Variants in CYRIA observed in about 807,000 individuals in gnomAD.
CYRIA encodes CYFIP related Rac1 interactor A, also known as CYFIP-related Rac1 interactor A.
CYRIA carries 15 observed loss-of-function variants against 43.9 expected under a neutral mutation model. The observed-to-expected ratio is 0.34, with a 90% confidence interval of 0.23 to 0.53. The LOEUF (loss-of-function observed/expected upper bound fraction) is 0.53, where lower values mean the gene tolerates loss of function less well. Ranked by LOEUF, CYRIA falls within the 20% of genes least tolerant of loss-of-function variation. CYRIA has a pLI of 0.94. For missense variants in CYRIA, 236 were observed against 394.2 expected (o/e 0.60, Z 3.40); for synonymous variants, 117 against 136.0 (o/e 0.86, Z 0.97).
chr2:16,602,739 G>A (rs1668254814), intron 2 of CYRIA, among the ~76,000 whole-genome samples: 1 of 152,124 alleles, frequency 6.6e-6, no homozygotes, highest in Non-Finnish European at 1.5e-5. Flanking sequence ...TCAAAGAAGG[G>A]ACTAGAAGAG....
chr2:16,556,900 C>T (rs1270399010), intron 10 of CYRIA, among the ~76,000 whole-genome samples: 1 of 151,994 alleles, frequency 6.6e-6, no homozygotes, highest in East Asian at 1.9e-4. Context: ...CTGGCTTAGA[C>T]ACTGGTTGGA....
intron 1 of CYRIA, among the ~76,000 whole-genome samples, chr2:16,634,235 C>T (rs1224915827): frequency 1.3e-5 from 2 of 152,222 alleles, no homozygotes; most frequent in African/African-American, 2.4e-5. Flanking sequence ...ATCACTATTT[C>T]TCCTTTTGCA....
intron 1 of CYRIA, among the ~76,000 whole-genome samples, chr2:16,635,085 G>T (rs1669454060): frequency 6.6e-6 from 1 of 152,184 alleles, no homozygotes; most frequent in Non-Finnish European, 1.5e-5. Context: ...AGGACATAAA[G>T]AGCACTTTGG....
intron 3 of CYRIA, among the ~76,000 whole-genome samples, chr2:16,572,071 C>T (rs937300530): frequency 6.6e-6 from 1 of 152,138 alleles, no homozygotes; most frequent in African/African-American, 2.4e-5. Context: ...GTCAAAGTTC[C>T]TGCAGGCTGT....
intron 1 of CYRIA, among the ~76,000 whole-genome samples, chr2:16,648,260 T>C (rs985706341): frequency 9.2e-5 from 14 of 151,770 alleles, no homozygotes; most frequent in Admixed American, 7.9e-4. Flanking sequence ...CTTGGTTCGG[T>C]TGTTTGTAAA....
rs71400699 is a variant in CYRIA, at chr2:16,568,227, GAAAAAAAAAAA to G, written c.71-2471_71-2461del. Among the ~76,000 whole-genome samples the G allele has an allele frequency of 2.3e-4, 20 of 88,728 alleles. No individual in the cohort carries two copies. The East Asian group carries it at 7.1e-3, about 32-fold the overall frequency. 58.2% of individuals were successfully genotyped at this position (88,728 alleles called of 152,430 possible). On this transcript the variant is annotated intron_variant, in intron 3 of 11. Coordinates refer to ENST00000381323, the MANE Select transcript of CYRIA (RefSeq NM_030797.4). The stretch of plus-strand genomic sequence containing the variant: ...GTATAATGCAACTATTTCAAAATCA[GAAAAAAAAAAA>G]AAAAAAAAAAACCCAAATCTGAAAC...
intron 1 of CYRIA, among the ~76,000 whole-genome samples, chr2:16,635,771 G>A (rs1044754976): frequency 6.6e-6 from 1 of 152,138 alleles, no homozygotes; most frequent in Non-Finnish European, 1.5e-5. Context: ...TTTCTAATAG[G>A]AGTTGAAGCG....
chr2:16,615,020 T>C (rs1668731993), intron 2 of CYRIA, among the ~76,000 whole-genome samples: 1 of 152,226 alleles, frequency 6.6e-6, no homozygotes, highest in Non-Finnish European at 1.5e-5. Context: ...TTCTTGTCCA[T>C]AAAGGAGCTC....
At chr2:16,644,025 C>A (rs956239805) in intron 1 of CYRIA, among the ~76,000 whole-genome samples, 7 of 152,336 alleles carry the variant, frequency 4.6e-5, no homozygotes, top group African/African-American at 1.7e-4. Flanking sequence ...CTCTCTGTGC[C>A]AACATCTCAG....
intron 3 of CYRIA, among the ~76,000 whole-genome samples, chr2:16,585,539 C>A (rs1667698946): frequency 6.6e-6 from 1 of 152,098 alleles, no homozygotes; most frequent in Non-Finnish European, 1.5e-5. Flanking sequence ...AGTTCTATAT[C>A]TTCCTTAAAT....
In CYRIA at chr2:16,597,162, A is replaced by G. The variant is rs1256918991; in HGVS notation, c.-10-9033T>C. On this transcript the variant is annotated intron_variant, in intron 2 of 11. Transcript: ENST00000381323. ...AGCTTTACTTCCAACTGTGTGGTCAATTTTGGAATAGGTGTGGTGTGGTGC... is the reference window on the plus strand; with the variant it reads ...AGCTTTACTTCCAACTGTGTGGTCAGTTTTGGAATAGGTGTGGTGTGGTGC... Among the ~76,000 whole-genome samples, 104 of 101,188 alleles carry G rather than the reference A, an allele frequency of 1.0e-3. 4 individuals are homozygous for G. In the East Asian group the frequency reaches 0.021, roughly 20 times the overall value. 66.4% of individuals were successfully genotyped at this position (101,188 alleles called of 152,430 possible).
intron 1 of CYRIA, among the ~76,000 whole-genome samples, chr2:16,634,308 C>A (rs1384299282): frequency 6.6e-6 from 1 of 152,028 alleles, no homozygotes; most frequent in Non-Finnish European, 1.5e-5. Flanking sequence ...CCAGCCACAC[C>A]CCTTCTCTTA....
rs1190927842 is a variant in CYRIA, at chr2:16,549,673, T to G, written c.*3263A>C. The stretch of plus-strand genomic sequence containing the variant: ...TTTAAGACAAAATTCCAATGTTTAT[T>G]ACTAACATTTAAAAAATATTTGTAG... On this transcript the variant is annotated 3_prime_UTR_variant, in exon 12 of 12. Coordinates refer to ENST00000381323, the MANE Select transcript of CYRIA (RefSeq NM_030797.4). 4.6e-5 allele frequency: 7 copies of G among 152,142 alleles called. No individual in the cohort carries two copies. The East Asian group carries it at 1.2e-3, about 25-fold the overall frequency. The allele number at this position is 152,142 out of a possible 1,614,324, so 9.4% of individuals were successfully genotyped here.
intron 1 of CYRIA, among the ~76,000 whole-genome samples, chr2:16,654,390 G>A (rs183814669): frequency 5.3e-5 from 8 of 152,254 alleles, no homozygotes; most frequent in East Asian, 1.9e-4. Context: ...AAGGTAGGGC[G>A]TGCCATGGGA....
chr2:16,607,591 G>A (rs1374113465), intron 2 of CYRIA, among the ~76,000 whole-genome samples: 5 of 152,026 alleles, frequency 3.3e-5, no homozygotes, highest in African/African-American at 1.2e-4. Flanking sequence ...CCTTGCTTCT[G>A]CCTTTTTTCT....
At chr2:16,633,436 C>T (rs1238034666) in intron 1 of CYRIA, among the ~76,000 whole-genome samples, 1 of 149,934 alleles carries the variant, frequency 6.7e-6, no homozygotes, top group African/African-American at 2.5e-5. Flanking sequence ...ATTTTTGAGA[C>T]AGGGTCTCGT....
intron 2 of CYRIA, among the ~76,000 whole-genome samples, chr2:16,617,285 T>C (rs573595424): frequency 2.9e-4 from 44 of 152,300 alleles, no homozygotes; most frequent in Admixed American, 2.9e-3. Context: ...TCACGATTCT[T>C]CATAACTCCT....
chr2:16,653,632 T>G (rs936564398), intron 1 of CYRIA, among the ~76,000 whole-genome samples: 3 of 152,198 alleles, frequency 2.0e-5, no homozygotes, highest in Non-Finnish European at 4.4e-5. Context: ...GGTTTACTGC[T>G]GAATCCCCAG....
intron 3 of CYRIA, among the ~76,000 whole-genome samples, chr2:16,586,830 G>A (rs74752291): frequency 0.015 from 2,358 of 152,170 alleles, 25 homozygotes; most frequent in Middle Eastern, 0.044. Context: ...GTACATTAGA[G>A]TGTGCAGCAG....
Sources: allele counts gnomAD v4.1 joint callset (sites outside exome capture counted in the v4.1 genomes callset), GRCh38; gene constraint gnomAD v4.1.1; transcripts MANE v1.5; gene names NCBI Gene and HGNC (gene_info 2026-07-23, HGNC 2026-07-21).